Variants in UBQLN4 observed in about 807,000 individuals in gnomAD.
UBQLN4 encodes the protein ubiquilin 4, also known as ubiquilin-4.
A neutral mutation model predicts 60.4 loss-of-function variants in UBQLN4; 11 were observed. That is an observed-to-expected ratio of 0.18 (90% CI 0.11 to 0.30). The LOEUF is 0.30. Among genes scored for constraint, UBQLN4 ranks in the 10% least tolerant of loss-of-function variants. UBQLN4 has a pLI of 1.00. For synonymous variants in UBQLN4, 258 were observed against 313.1 expected, an observed-to-expected ratio of 0.82 and a Z score of 1.86; for missense variants, 417 against 795.5, an observed-to-expected ratio of 0.52 and a Z score of 5.72.
chr1:156,051,575 A>C (rs922383467), intron 2 of UBQLN4, 131 bp downstream of exon 2: 1 of 1,356,490 alleles, frequency 7.4e-7, no homozygotes, highest in Non-Finnish European at 1.0e-6. Context: ...TAGAGATGAG[A>C]TCATATTCAT....
chr1:156,041,218 T>C (rs544158684), intron 10 of UBQLN4, among the ~76,000 whole-genome samples: 1 of 152,266 alleles, frequency 6.6e-6, no homozygotes, highest in South Asian at 2.1e-4. Context: ...GTGAGGAATG[T>C]GGTAAATGAG....
chr1:156,039,245 C>CTTTTTTTTTTTTTTTTTTTTTTTTTT (rs34866268), intron 10 of UBQLN4, among the ~76,000 whole-genome samples: 1 of 82,496 alleles, frequency 1.2e-5, no homozygotes, highest in African/African-American at 4.4e-5. Flanking sequence ...CCTGGCCTGG[C>CTTTTTTTTTTTTTTTTTTTTTTTTTT]TTTTTTTTTT....
downstream of UBQLN4, among the ~76,000 whole-genome samples, chr1:156,033,435 T>C (rs1479306672): frequency 6.6e-6 from 1 of 152,188 alleles, no homozygotes; most frequent in East Asian, 1.9e-4. Flanking sequence ...TGCCCCACTT[T>C]ATCTCTCTGA....
At position 156,050,898 on chromosome 1, in the gene UBQLN4, C is replaced by G. The variant is rs1306820481; in HGVS notation, c.478+212G>C. Among the ~76,000 whole-genome samples the G allele has an allele frequency of 6.6e-6, 1 of 151,944 alleles. No homozygotes were observed. The highest frequency in any genetic ancestry group is 1.9e-4 in the East Asian group (1 of 5,176). ...ACATCCCCAACCCCATTTCTCCCCT[C>G]ACTCCTAACCCTTAGCCATGGTCCC... On this transcript the variant is annotated intron_variant, in intron 3 of 10. Transcript: ENST00000368309. This position sits in a 1 kb window ranked among gnomAD's most constrained non-coding sequence, Gnocchi z 4.6.
In UBQLN4 at chr1:156,051,811, A is replaced by T; in HGVS notation, c.155T>A (p.Leu52Gln). Residue 52 changes from leucine to glutamine, a missense_variant, in exon 2 of 11, where the codon CTG becomes CAG. Leu to Gln is a moderately radical substitution (Grantham distance 113). Coordinates refer to ENST00000368309, the MANE Select transcript of UBQLN4 (RefSeq NM_020131.5). ...SRRFKAQQDQ[L>Q]VLIFAGKILK... ...GATCTTGCCTGCGAAGATCAGGACC[A>T]GCTGATCCTGCTGAGCCTTAAACCT... The T allele has an allele frequency of 6.2e-7, 1 of 1,614,168 alleles. No individual in the cohort carries two copies. Among genetic ancestry groups the T allele is most frequent in the Non-Finnish European group, 8.5e-7 (1 of 1,180,016 alleles).
At chr1:156,049,124 T>A (rs1445407403) in intron 4 of UBQLN4, among the ~76,000 whole-genome samples, 1 of 152,234 alleles carries the variant, frequency 6.6e-6, no homozygotes, top group Non-Finnish European at 1.5e-5. Flanking sequence ...TTTATTTCTG[T>A]CCCTATTTTG....
In UBQLN4 at chr1:156,050,381, G is replaced by A. The variant is rs1411340858; in HGVS notation, c.651C>T (p.His217=). ...DMMSNPDLMR[H]MIMANPQMQQ... is the part of the protein sequence containing the mutation. ...GCATCTGGGGGTTGGCCATAATCAT[G>A]TGACGCATCAGATCAGGGTTAGACA... The change falls in exon 4 of 11, where the codon CAC becomes CAT. Residue 217 remains histidine, a synonymous_variant. Transcript: ENST00000368309. The surrounding 1 kb of genome is among the most constrained non-coding windows in gnomAD (Gnocchi z 4.6). 2.5e-6 allele frequency: 4 copies of A among 1,613,790 alleles called. No homozygotes were observed. The highest frequency in any genetic ancestry group is 3.4e-6 in the Non-Finnish European group (4 of 1,179,828).
At chr1:156,041,307 T>C (rs1683556859) in intron 10 of UBQLN4, among the ~76,000 whole-genome samples, 178 bp downstream of exon 10, 1 of 152,234 alleles carries the variant, frequency 6.6e-6, no homozygotes. Context: ...TTCTCATCTC[T>C]ATTTCACATC....
Position 156,044,089 on chromosome 1 carries a change from G to A in UBQLN4, c.1035C>T (p.Ser345=), listed in dbSNP as rs772207254. 18 of 1,592,864 alleles carry A rather than the reference G, an allele frequency of 1.1e-5. No individual in the cohort carries two copies. Among genetic ancestry groups the A allele is most frequent in the South Asian group, 5.7e-5 (5 of 87,280 alleles). Residue 345 remains serine, a synonymous_variant, in exon 6 of 11, where the codon TCC becomes TCT. Coordinates refer to ENST00000368309, the MANE Select transcript of UBQLN4 (RefSeq NM_020131.5). The part of the protein sequence containing the change: ...PSPPTSQAPG[S]GGEGTGGSGT... ...CCGATCCTCCGGTGCCCTCCCCACC[G>A]GACCCGGGGGCCTGGGAGGTGGGGG...
Position 156,036,424 on chromosome 1 carries a change from C to T in UBQLN4, c.*554G>A, listed in dbSNP as rs879414854. The T allele has an allele frequency of 1.0e-6, 1 of 985,770 alleles. No homozygotes were observed. Among genetic ancestry groups the T allele is most frequent in the Non-Finnish European group, 1.2e-6 (1 of 830,104 alleles). 61.1% of individuals were successfully genotyped at this position (985,770 alleles called of 1,614,324 possible). On this transcript the variant is annotated 3_prime_UTR_variant, in exon 11 of 11. Coordinates refer to ENST00000368309, the MANE Select transcript of UBQLN4 (RefSeq NM_020131.5). Reference sequence around the variant, plus strand: ...CTTACCCTGGAATTTCCAACAGTTCCCACCAAAAAGTGCTGAATGAACCAG... The same window carrying T: ...CTTACCCTGGAATTTCCAACAGTTCTCACCAAAAAGTGCTGAATGAACCAG...
chr1:156,043,287 TCA>T (rs1683616061), intron 6 of UBQLN4, among the ~76,000 whole-genome samples: 1 of 152,166 alleles, frequency 6.6e-6, no homozygotes, highest in Non-Finnish European at 1.5e-5. Flanking sequence ...ATGCTAAATC[TCA>T]CTCAGAAACC....
At position 156,044,160 on chromosome 1, in the gene UBQLN4, G is replaced by A. The variant is rs1683639950; in HGVS notation, c.964C>T (p.Arg322Trp). The change falls in exon 6 of 11, where the codon CGG becomes TGG. Residue 322 changes from arginine to tryptophan, a missense_variant. Coordinates refer to ENST00000368309, the MANE Select transcript of UBQLN4 (RefSeq NM_020131.5). The stretch of plus-strand genomic sequence containing the variant: ...GGGAGGGGCTCTCGATTCTCAGTCC[G>A]CAGAGGCTGGGAGGATGAGCTGTCG... ...NSDSSSSQPL[R>W]TENREPLPNP... The A allele has an allele frequency of 5.7e-6, 9 of 1,577,078 alleles. No homozygotes were observed. Among genetic ancestry groups the A allele is most frequent in the African/African-American group, 1.3e-5 (1 of 74,390 alleles).
intron 1 of UBQLN4, 49 bp downstream of exon 1, chr1:156,053,545 T>A: frequency 9.1e-7 from 1 of 1,103,368 alleles, no homozygotes; most frequent in Non-Finnish European, 1.2e-6. Context: ...CCCCATCTCT[T>A]CGCAGACCCC....
chr1:156,042,018 A>G, intron 8 of UBQLN4, 31 bp from the exon 9 acceptor site: 3 of 1,613,710 alleles, frequency 1.9e-6, no homozygotes, highest in Non-Finnish European at 2.5e-6. Context: ...AAAGGCATCA[A>G]GAGGTGGCAG....
rs1187253470 is a variant in UBQLN4, at chr1:156,037,122, C to T, written c.1662G>A (p.Thr554=). The change falls in exon 11 of 11, where the codon ACG becomes ACA. Residue 554 remains threonine (T), a synonymous_variant. Coordinates refer to ENST00000368309, the MANE Select transcript of UBQLN4 (RefSeq NM_020131.5). ...GCTGCTGCTGAAATCTCACTTCTGG[C>T]GTCTGCACCTGGAGGGGACAGGCCT... is the stretch of plus-strand genomic sequence containing the variant. ...LAGSGNSQVQ[T]PEVRFQQQLE... is the part of the protein sequence containing the mutation. 3.1e-6 allele frequency: 5 copies of T among 1,614,012 alleles called. No homozygotes were observed. The highest frequency in any genetic ancestry group is 1.7e-5 in the Admixed American group (1 of 60,002).
intron 10 of UBQLN4, among the ~76,000 whole-genome samples, chr1:156,040,380 CAA>C (rs761867504): frequency 8.7e-5 from 11 of 125,826 alleles, no homozygotes; most frequent in Non-Finnish European, 8.4e-5. Flanking sequence ...AACTCTGTCT[CAA>C]AAAAAAAAAA....
Position 156,036,393 on chromosome 1 carries a change from T to C in UBQLN4, c.*585A>G. On this transcript the variant is annotated 3_prime_UTR_variant, in exon 11 of 11. Transcript: ENST00000368309. ...TCTTCAGACAGGGAGAACAGGCATCTTCCTCCTTACCCTGGAATTTCCAAC... is the reference window on the plus strand; with the variant it reads ...TCTTCAGACAGGGAGAACAGGCATCCTCCTCCTTACCCTGGAATTTCCAAC... The C allele has an allele frequency of 1.0e-6, 1 of 985,774 alleles. No homozygotes were observed. The highest frequency in any genetic ancestry group is 1.2e-6 in the Non-Finnish European group (1 of 830,098). The allele number at this position is 985,774 out of a possible 1,614,324, so 61.1% of individuals were successfully genotyped here. A position where few individuals can be genotyped will look rare whatever the true frequency, so the allele number is the denominator to read the frequency against.
downstream of UBQLN4, among the ~76,000 whole-genome samples, chr1:156,032,916 AGACAAGGAG>A (rs1032712655): frequency 1.3e-5 from 2 of 152,206 alleles, no homozygotes; most frequent in African/African-American, 4.8e-5. Flanking sequence ...TGAAAGAGGA[AGACAAGGAG>A]GACAAGGAGG....
At chr1:156,042,461 A>T in intron 7 of UBQLN4, 3 of 1,388,400 alleles carry the variant, frequency 2.2e-6, no homozygotes, top group Non-Finnish European at 2.8e-6. Flanking sequence ...CCTGGGTCTG[A>T]TGATGATGAG....
Sources: gnomAD v4.1 joint callset for allele counts (sites outside exome capture counted in the v4.1 genomes callset) on GRCh38, gnomAD v4.1.1 for gene constraint, Gnocchi (gnomAD v3.1) non-coding constraint, MANE v1.5 for transcripts, NCBI Gene and HGNC (gene_info 2026-07-23, HGNC 2026-07-21) for gene names.